Variants in GABPA observed in about 807,000 individuals in gnomAD.
The protein encoded by GABPA is GA-binding protein alpha chain.
In GABPA, 4 loss-of-function variants were observed where a neutral mutation model predicts 59.4. The observed-to-expected ratio is 0.07, with a 90% CI of 0.03 to 0.15. GABPA has a LOEUF of 0.15. Among genes scored for constraint, GABPA ranks in the 10% least tolerant of loss-of-function variants. The probability of loss-of-function intolerance (pLI) is 1.00; values close to 1 mark genes in which losing one functional copy is unlikely to be tolerated. For missense variants in GABPA, 251 were observed against 543.8 expected, an observed-to-expected ratio of 0.46 and a Z score of 5.36; for synonymous variants, 164 against 183.1, an observed-to-expected ratio of 0.90 and a Z score of 0.84.
intron 6 of GABPA, among the ~76,000 whole-genome samples, chr21:25,759,322 A>C (rs1054968135): frequency 6.6e-6 from 1 of 152,150 alleles, no homozygotes; most frequent in Non-Finnish European, 1.5e-5. Flanking sequence ...TGTTAATGAT[A>C]GCATTTTGTT....
rs1004277925 is a variant in GABPA at position 25,771,312 on chromosome 21, A to AT, written c.*2087dup. ...TTACTTTTAGATCCCTAGAATGAAA[A>AT]TTTTTTTCTCATCTATGCAATTCCC... is the stretch of plus-strand genomic sequence containing the variant. On this transcript the variant is annotated 3_prime_UTR_variant, in exon 10 of 10. Transcript: ENST00000400075. The AT allele has an allele frequency of 2.7e-5, 4 of 150,438 alleles. No homozygotes were observed. The highest frequency in any genetic ancestry group is 9.7e-5 in the African/African-American group (4 of 41,258). The allele number at this position is 150,438 out of a possible 1,614,324, so 9.3% of individuals were successfully genotyped here.
chr21:25,735,164 T>G lies in GABPA; in HGVS notation c.-441T>G. ...TTCCCCTCCTTGAAACCTTGCTCTG[T>G]ACGCATGCGCTCTTTGAGTGGCCTT... On this transcript the variant is annotated 5_prime_UTR_variant, in exon 1 of 10. Transcript: ENST00000400075. 1.6e-6 allele frequency: 1 copy of G among 623,052 alleles called. No individual in the cohort carries two copies. The highest frequency in any genetic ancestry group is 2.9e-6 in the Non-Finnish European group (1 of 345,462). The allele number at this position is 623,052 out of a possible 1,614,324, so 38.6% of individuals were successfully genotyped here. A position where few individuals can be genotyped will look rare whatever the true frequency, so the allele number is the denominator to read the frequency against.
intron 3 of GABPA, among the ~76,000 whole-genome samples, chr21:25,747,801 C>T (rs189044900): frequency 7.9e-5 from 12 of 152,168 alleles, no homozygotes; most frequent in Admixed American, 3.9e-4. Flanking sequence ...TACCAGTGTC[C>T]ACCAGACAAG....
intron 5 of GABPA, 158 bp downstream of exon 5, chr21:25,752,392 C>A: frequency 1.2e-6 from 1 of 813,676 alleles, no homozygotes; most frequent in Non-Finnish European, 1.9e-6. Flanking sequence ...CATTTAAGCT[C>A]ATGTGGTGGA....
intron 9 of GABPA, among the ~76,000 whole-genome samples, chr21:25,765,129 C>T (rs2035860023): frequency 6.6e-6 from 1 of 151,914 alleles, no homozygotes; most frequent in Non-Finnish European, 1.5e-5. Context: ...TCTGTTTTTA[C>T]AATTACAAGC....
chr21:25,747,518 A>G (rs2035398014), intron 3 of GABPA, among the ~76,000 whole-genome samples: 2 of 152,220 alleles, frequency 1.3e-5, no homozygotes, highest in Non-Finnish European at 2.9e-5. Flanking sequence ...TTCCTCCTTA[A>G]AAAGGATATG....
rs1219331681 is a variant in GABPA, at chr21:25,735,041, C to G, written c.-564C>G. ...TGCGACCGGACGGGTCTAGGTGAGA[C>G]AGAAGCCAAACAGGAGGAGGAAGTG... On this transcript the variant is annotated 5_prime_UTR_variant, in exon 1 of 10. Coordinates refer to ENST00000400075, the MANE Select transcript of GABPA (RefSeq NM_002040.4). 7.1e-7 allele frequency: 1 copy of G among 1,408,242 alleles called. No individual in the cohort carries two copies. The highest frequency in any genetic ancestry group is 9.7e-7 in the Non-Finnish European group (1 of 1,025,738). The allele number at this position is 1,408,242 out of a possible 1,614,324, so 87.2% of individuals were successfully genotyped here. A position where few individuals can be genotyped will look rare whatever the true frequency, so the allele number is the denominator to read the frequency against.
At chr21:25,748,839 A>G (rs1468955035) in intron 3 of GABPA, among the ~76,000 whole-genome samples, 197 bp from the exon 4 acceptor site, 2 of 152,248 alleles carry the variant, frequency 1.3e-5, no homozygotes, top group Non-Finnish European at 2.9e-5. Flanking sequence ...GTCCTCAATT[A>G]CTTCCTCAGT....
intron 1 of GABPA, among the ~76,000 whole-genome samples, chr21:25,740,985 A>G (rs1431903458): frequency 6.6e-6 from 1 of 152,162 alleles, no homozygotes; most frequent in Non-Finnish European, 1.5e-5. Context: ...TAGTTAACAG[A>G]CCCTTAACTT....
chr21:25,737,021 A>G (rs924834625), intron 1 of GABPA, among the ~76,000 whole-genome samples: 3 of 152,212 alleles, frequency 2.0e-5, no homozygotes, highest in Non-Finnish European at 2.9e-5. Context: ...ATGAAGGACA[A>G]TTCTCAAATT....
intron 3 of GABPA, 122 bp from the exon 4 acceptor site, chr21:25,748,914 A>C (rs1276689218): frequency 1.2e-5 from 8 of 668,230 alleles, no homozygotes; most frequent in Non-Finnish European, 1.9e-5. Context: ...TGTTCTTATA[A>C]TTTAATTAGT....
At chr21:25,763,503 C>T (rs1334554033) in intron 7 of GABPA, among the ~76,000 whole-genome samples, 2 of 152,120 alleles carry the variant, frequency 1.3e-5, no homozygotes, top group Non-Finnish European at 2.9e-5. Flanking sequence ...TTTCCTCTCT[C>T]CTACCAGAGA....
At chr21:25,760,984 G>A (rs1377037128) in intron 6 of GABPA, among the ~76,000 whole-genome samples, 2 of 152,102 alleles carry the variant, frequency 1.3e-5, no homozygotes, top group South Asian at 2.1e-4. Context: ...TGCCTGTGCT[G>A]TGTGATGGTG....
Position 25,758,011 on chromosome 21 carries a change from T to A in GABPA, c.555T>A (p.Asp185Glu), listed in dbSNP as rs779052912. The change falls in exon 6 of 10, where the codon GAT becomes GAA. Residue 185 changes from aspartate to glutamate, a missense_variant and splice_region_variant. Around this residue, in one of 4 missense-constraint regions of GABPA, gnomAD observed 207 missense variants for 366.7 expected, o/e 0.56. Transcript: ENST00000400075. ...KEQERLGIPY[D>E]PIQWSTDQVL... ...TAAAGTGAATATTTTTCTTTCTAGA[T>A]CCCATACAGTGGTCCACAGACCAAG... 1.9e-6 allele frequency: 3 copies of A among 1,557,078 alleles called. No homozygotes were observed. The highest frequency in any genetic ancestry group is 2.6e-6 in the Non-Finnish European group (3 of 1,156,692).
chr21:25,737,942 TTTGA>T (rs2035122571), intron 1 of GABPA, among the ~76,000 whole-genome samples: 1 of 152,252 alleles, frequency 6.6e-6, no homozygotes, highest in South Asian at 2.1e-4. Context: ...CCACATTTTC[TTTGA>T]TTAATACTTT....
At chr21:25,755,709 T>C (rs778170136) in intron 5 of GABPA, among the ~76,000 whole-genome samples, 1 of 152,150 alleles carries the variant, frequency 6.6e-6, no homozygotes. Flanking sequence ...TAATAAATGT[T>C]TTCCCGGTGT....
At chr21:25,762,643 G>A (rs1245674933) in intron 7 of GABPA, among the ~76,000 whole-genome samples, 1 of 152,138 alleles carries the variant, frequency 6.6e-6, no homozygotes, top group Non-Finnish European at 1.5e-5. Context: ...TTACCAAGTT[G>A]TAAGAACAAT....
chr21:25,744,042 CAAAA>C (rs1182340915), intron 2 of GABPA, among the ~76,000 whole-genome samples: 1 of 71,874 alleles, frequency 1.4e-5, no homozygotes, highest in Non-Finnish European at 2.7e-5. Flanking sequence ...GACTCTGTCT[CAAAA>C]AAAAAAAAAA....
At chr21:25,751,379 T>C (rs2035509211) in intron 4 of GABPA, among the ~76,000 whole-genome samples, 1 of 151,178 alleles carries the variant, frequency 6.6e-6, no homozygotes. Context: ...ATTTTTATTT[T>C]TTATTTTTTC....
Sources: gnomAD v4.1 joint callset for allele counts (sites outside exome capture counted in the v4.1 genomes callset) on GRCh38, gnomAD v4.1.1 for gene constraint, gnomAD v4.1.1 regional missense constraint, MANE v1.5 for transcripts, NCBI Gene and HGNC (gene_info 2026-07-23, HGNC 2026-07-21) for gene names.